Variants in CLEC16A observed in about 807,000 individuals in gnomAD.
The protein encoded by CLEC16A is C-type lectin domain containing 16A, also known as protein CLEC16A.
CLEC16A carries 51 observed loss-of-function variants against 109.5 expected under a neutral mutation model. That is an observed-to-expected ratio of 0.47 (90% CI 0.37 to 0.59). The LOEUF (loss-of-function observed/expected upper bound fraction) is 0.59, where lower values mean the gene tolerates loss of function less well. Ranked by LOEUF, CLEC16A falls within the 20% of genes least tolerant of loss-of-function variation. CLEC16A has a pLI of 0.00. For missense variants in CLEC16A, 1,339 were observed against 1,394.0 expected (o/e 0.96, Z 0.63); for synonymous variants, 673 against 564.2 (o/e 1.19, Z -2.73).
intron 19 of CLEC16A, among the ~76,000 whole-genome samples, chr16:11,116,820 C>G (rs546624783): frequency 1.3e-5 from 2 of 152,314 alleles, no homozygotes; most frequent in South Asian, 2.1e-4. Flanking sequence ...GTGCTCCCAA[C>G]AGAACCTATT....
intron 19 of CLEC16A, among the ~76,000 whole-genome samples, chr16:11,103,033 A>C (rs970873946): frequency 1.2e-4 from 19 of 152,112 alleles, no homozygotes; most frequent in African/African-American, 4.6e-4. Flanking sequence ...GGAGGCTGAA[A>C]CTCAGGGACA....
intron 10 of CLEC16A, among the ~76,000 whole-genome samples, chr16:10,987,444 G>C (rs1375573104): frequency 1.3e-5 from 2 of 152,164 alleles, no homozygotes; most frequent in Non-Finnish European, 2.9e-5. Flanking sequence ...CTCCTGATAT[G>C]GCCTCTTCTT....
chr16:11,044,642 T>C (rs1057495769), intron 16 of CLEC16A, among the ~76,000 whole-genome samples: 2 of 152,210 alleles, frequency 1.3e-5, no homozygotes, highest in Non-Finnish European at 2.9e-5. Context: ...TATAAATATC[T>C]AATTGCCGCC....
intron 10 of CLEC16A, among the ~76,000 whole-genome samples, chr16:10,988,207 T>C (rs559057724): frequency 6.6e-6 from 1 of 152,364 alleles, no homozygotes; most frequent in African/African-American, 2.4e-5. Flanking sequence ...TCATTACTTG[T>C]AGGTACTTTT....
At position 10,961,968 on chromosome 16, in the gene CLEC16A, C is replaced by T. The variant is rs78570329; in HGVS notation, c.210-487C>T. 2.2e-5 allele frequency among the ~76,000 whole-genome samples: 3 copies of T among 135,342 alleles called. No homozygotes were observed. The highest frequency in any genetic ancestry group is 4.7e-5 in the Non-Finnish European group (3 of 63,804). 88.8% of individuals were successfully genotyped at this position (135,342 alleles called of 152,430 possible). ...TTGGGAACTTTTTTTTCTTTTTTTTCTTTTTTTTTTTTTTGGCTCTGTCAC... is the reference window on the plus strand; with the variant it reads ...TTGGGAACTTTTTTTTCTTTTTTTTTTTTTTTTTTTTTTTGGCTCTGTCAC... On this transcript the variant is annotated intron_variant, in intron 2 of 23. Transcript: ENST00000409790. The surrounding 1 kb of genome is among the most constrained non-coding windows in gnomAD (Gnocchi z 4.3).
intron 22 of CLEC16A, among the ~76,000 whole-genome samples, chr16:11,137,804 C>A (rs1297297544): frequency 6.6e-6 from 1 of 151,798 alleles, no homozygotes; most frequent in East Asian, 1.9e-4. Context: ...GCGAGACTCC[C>A]TCTCAAAAAA....
chr16:11,127,386 G>C (rs1022301670), intron 22 of CLEC16A, among the ~76,000 whole-genome samples: 1 of 152,202 alleles, frequency 6.6e-6, no homozygotes, highest in Non-Finnish European at 1.5e-5. Context: ...CAGTGTCACA[G>C]TGAGCATCCT....
intron 19 of CLEC16A, among the ~76,000 whole-genome samples, chr16:11,086,592 G>C (rs2050021999): frequency 6.6e-6 from 1 of 152,132 alleles, no homozygotes; most frequent in African/African-American, 2.4e-5. Flanking sequence ...GCCCAGGCTG[G>C]AGTGCAGTGT....
At chr16:11,154,373 T>C (rs1415051813) in intron 22 of CLEC16A, among the ~76,000 whole-genome samples, 1 of 152,218 alleles carries the variant, frequency 6.6e-6, no homozygotes, top group Non-Finnish European at 1.5e-5. Context: ...TTGAATGCAG[T>C]GTAACATGAG....
At chr16:10,957,056 C>T (rs1433850613) in intron 1 of CLEC16A, among the ~76,000 whole-genome samples, 1 of 152,202 alleles carries the variant, frequency 6.6e-6, no homozygotes, top group African/African-American at 2.4e-5. Context: ...CTTGGCCTCC[C>T]AAAGTGCTGG....
chr16:11,126,082 G>A lies in CLEC16A; in HGVS notation c.2577G>A (p.Gly859=), dbSNP rs755446253. 2 of 1,613,902 alleles carry A rather than the reference G, an allele frequency of 1.2e-6. No individual in the cohort carries two copies. The highest frequency in any genetic ancestry group is 1.3e-5 in the African/African-American group (1 of 75,006). The change falls in exon 22 of 24, where the codon GGG becomes GGA. Residue 859 remains glycine (G), a synonymous_variant. Transcript: ENST00000409790. ...TGCCTTTCCGCTTCTACGACCAGGGGCGCCGGGGCAGCAGCGACCCCACAG... is the reference window on the plus strand; with the variant it reads ...TGCCTTTCCGCTTCTACGACCAGGGACGCCGGGGCAGCAGCGACCCCACAG... ...QHLPFRFYDQ[G]RRGSSDPTVQ... is the part of the protein sequence containing the mutation.
intron 16 of CLEC16A, among the ~76,000 whole-genome samples, chr16:11,044,921 C>A (rs1194136923): frequency 1.4e-5 from 2 of 144,850 alleles, no homozygotes; most frequent in Non-Finnish European, 3.1e-5. Flanking sequence ...AGCGAAAACT[C>A]CATCTCAAAA....
chr16:11,063,568 C>A (rs1359733699), intron 19 of CLEC16A, among the ~76,000 whole-genome samples: 1 of 152,092 alleles, frequency 6.6e-6, no homozygotes, highest in Non-Finnish European at 1.5e-5. Context: ...AGTGCTGTCT[C>A]CAAACAGCAG....
intron 19 of CLEC16A, among the ~76,000 whole-genome samples, chr16:11,095,833 A>G (rs1567311324): frequency 1.3e-5 from 2 of 151,522 alleles, no homozygotes; most frequent in East Asian, 3.9e-4. Flanking sequence ...AAAAAAAAAA[A>G]AAAAGGGAGC....
At chr16:10,985,808 C>G (rs2043609994) in intron 10 of CLEC16A, among the ~76,000 whole-genome samples, 1 of 151,758 alleles carries the variant, frequency 6.6e-6, no homozygotes, top group Non-Finnish European at 1.5e-5. Context: ...GCCTCTGCCT[C>G]TGGGTTCAAG....
chr16:11,051,831 G>T (rs970163894), intron 18 of CLEC16A, among the ~76,000 whole-genome samples, 190 bp downstream of exon 18: 1 of 152,260 alleles, frequency 6.6e-6, no homozygotes. Context: ...TGGGAAGTAG[G>T]GTTTGGCATT....
At position 11,179,510 on chromosome 16, in the gene CLEC16A, A is replaced by T. The variant is rs907618660; in HGVS notation, c.*820A>T. ...CCGAGAGGCCTCCCATCATGGAAAG[A>T]TTTCTCCAGGAAAAGGAGGAATGTA... On this transcript the variant is annotated 3_prime_UTR_variant, in exon 24 of 24. Transcript: ENST00000409790. 1 of 152,214 alleles carries T rather than the reference A, an allele frequency of 6.6e-6. No homozygotes were observed. Among genetic ancestry groups the T allele is most frequent in the Non-Finnish European group, 1.5e-5 (1 of 68,044 alleles). 9.4% of individuals were successfully genotyped at this position (152,214 alleles called of 1,614,324 possible). A position where few individuals can be genotyped will look rare whatever the true frequency, so the allele number is the denominator to read the frequency against.
At chr16:11,112,002 G>A (rs2051621950) in intron 19 of CLEC16A, among the ~76,000 whole-genome samples, 1 of 152,268 alleles carries the variant, frequency 6.6e-6, no homozygotes, top group Non-Finnish European at 1.5e-5. Flanking sequence ...CACTCCGAAT[G>A]TCTGCCAGTT....
chr16:11,085,840 C>T (rs1168813183), intron 19 of CLEC16A, among the ~76,000 whole-genome samples: 3 of 152,222 alleles, frequency 2.0e-5, no homozygotes, highest in Non-Finnish European at 4.4e-5. Flanking sequence ...GACCCTCCCA[C>T]CTCAGCCTTC....
Sources: gnomAD v4.1 joint callset for allele counts (sites outside exome capture counted in the v4.1 genomes callset) on GRCh38, gnomAD v4.1.1 for gene constraint, Gnocchi (gnomAD v3.1) non-coding constraint, MANE v1.5 for transcripts, NCBI Gene and HGNC (gene_info 2026-07-23, HGNC 2026-07-21) for gene names.